TMEM165: variants seen among roughly 807,000 people sequenced by gnomAD.
TMEM165 encodes transmembrane protein 165.
Under a neutral mutation model 30.0 loss-of-function variants are expected in TMEM165, and 19 were observed. That is an observed-to-expected ratio of 0.63 (90% CI 0.44 to 0.93). The LOEUF (loss-of-function observed/expected upper bound fraction) is 0.93. Ranked by LOEUF, TMEM165 falls within the 40% of genes least tolerant of loss-of-function variation. TMEM165 has a pLI of 0.00. For synonymous variants in TMEM165, 168 were observed against 162.9 expected, an observed-to-expected ratio of 1.03 and a Z score of -0.24; for missense variants, 340 against 417.0, an observed-to-expected ratio of 0.82 and a Z score of 1.61.
At chr4:55,449,408 T>C (rs1168850357) in intron 3 of TMEM165, 2 of 1,613,758 alleles carry the variant, frequency 1.2e-6, no homozygotes, top group South Asian at 2.2e-5. Flanking sequence ...GACTACTAAA[T>C]GATGACCTTC....
intron 3 of TMEM165, chr4:55,431,699 C>A (rs1268852248): frequency 2.2e-5 from 3 of 135,882 alleles, no homozygotes; most frequent in Non-Finnish European, 4.9e-5. Flanking sequence ...TTTCAATTAC[C>A]AAAGAAACAG....
downstream of TMEM165, among the ~76,000 whole-genome samples, chr4:55,427,585 T>TC (rs1241354753): frequency 6.6e-6 from 1 of 152,060 alleles, no homozygotes; most frequent in Non-Finnish European, 1.5e-5. Context: ...CCTTAGGTGA[T>TC]CCACCCACCT....
At chr4:55,441,267 A>C (rs1418021720) in intron 3 of TMEM165, among the ~76,000 whole-genome samples, 2 of 152,202 alleles carry the variant, frequency 1.3e-5, no homozygotes, top group East Asian at 1.9e-4. Flanking sequence ...GTCAAAAAAC[A>C]ATAATGTTGG....
intron 1 of TMEM165, 73 bp downstream of exon 1, chr4:55,396,469 A>C: frequency 5.6e-6 from 7 of 1,250,110 alleles, no homozygotes; most frequent in Non-Finnish European, 7.2e-6. Context: ...AGGCCTTTGA[A>C]AGCGCCGCAC....
intron 3 of TMEM165, among the ~76,000 whole-genome samples, chr4:55,441,812 T>C (rs1057491239): frequency 4.6e-5 from 7 of 152,162 alleles, no homozygotes; most frequent in Admixed American, 1.3e-4. Context: ...AAGTTATAGA[T>C]GGTTGTTTTT....
chr4:55,411,134 C>CAA (rs575523700), intron 1 of TMEM165, among the ~76,000 whole-genome samples: 24 of 65,890 alleles, frequency 3.6e-4, no homozygotes, highest in Admixed American at 1.2e-3. Flanking sequence ...GATTTTGTCT[C>CAA]AAAAAAAAAA....
At chr4:55,413,766 G>A (rs565959341) in intron 2 of TMEM165, among the ~76,000 whole-genome samples, 12 of 152,248 alleles carry the variant, frequency 7.9e-5, no homozygotes, top group African/African-American at 2.4e-4. Flanking sequence ...TTTAGCATTT[G>A]TACTCTTATC....
chr4:55,438,306 G>A, intron 3 of TMEM165: 1 of 1,614,098 alleles, frequency 6.2e-7, no homozygotes. Flanking sequence ...GCGGTGGCTG[G>A]GTCAGCTGAG....
chr4:55,432,934 G>C (rs1374823518), intron 3 of TMEM165: 2 of 152,644 alleles, frequency 1.3e-5, no homozygotes, highest in Non-Finnish European at 2.9e-5. Context: ...CCTGGGGCTT[G>C]TCTTATGCTT....
At chr4:55,417,309 A>G in intron 3 of TMEM165, 62 bp downstream of exon 3, 1 of 1,514,600 alleles carries the variant, frequency 6.6e-7, no homozygotes, top group South Asian at 1.3e-5. Context: ...AACACTCTAC[A>G]GAGGTTTCTC....
intron 1 of TMEM165, among the ~76,000 whole-genome samples, chr4:55,409,688 A>G (rs1237725541): frequency 6.6e-6 from 1 of 152,194 alleles, no homozygotes; most frequent in East Asian, 1.9e-4. Flanking sequence ...CCTGGGAGAC[A>G]AAATCGCCCT....
rs745727875 is a variant in TMEM165 at position 55,425,457 on chromosome 4, CTGTT to C, written c.*10_*13del. The stretch of plus-strand genomic sequence containing the variant: ...AGCCCTGATTCTGGTTTTTAACAAG[CTGTT>C]TGTTCATCTATATTTAGTTTAAAAT... On this transcript the variant is annotated 3_prime_UTR_variant, in exon 6 of 6. Coordinates refer to ENST00000381334, the MANE Select transcript of TMEM165 (RefSeq NM_018475.5). The C allele has an allele frequency of 3.2e-6, 5 of 1,577,904 alleles. No individual in the cohort carries two copies. In the African/African-American group the frequency reaches 4.0e-5, roughly 13 times the overall value.
intron 3 of TMEM165, among the ~76,000 whole-genome samples, chr4:55,440,274 C>G (rs1473371991): frequency 6.6e-6 from 1 of 152,144 alleles, no homozygotes; most frequent in Non-Finnish European, 1.5e-5. Flanking sequence ...ATAAATTCAT[C>G]AACGCAGCAT....
downstream of TMEM165, chr4:55,429,645 C>CT (rs1722382082): frequency 6.6e-6 from 1 of 152,166 alleles, no homozygotes. Context: ...ATTTCTTTTA[C>CT]TAACATTTCC....
At chr4:55,449,020 T>A in intron 3 of TMEM165, 1 of 668,794 alleles carries the variant, frequency 1.5e-6, no homozygotes, top group South Asian at 1.8e-5. Flanking sequence ...CTCATCTATA[T>A]TGGAAAGGCC....
At chr4:55,421,391 C>T (rs542410878) in intron 4 of TMEM165, among the ~76,000 whole-genome samples, 1 of 149,240 alleles carries the variant, frequency 6.7e-6, no homozygotes, top group East Asian at 2.0e-4. Context: ...ACCTCCACCT[C>T]CTGGGCTCAA....
At chr4:55,453,019 TTAAAAA>T (rs757299709) in exon 4 of TMEM165, 16 of 1,439,122 alleles carry the variant, frequency 1.1e-5, no homozygotes, top group Non-Finnish European at 1.5e-5. Flanking sequence ...TGGGGAGAAA[TTAAAAA>T]TAATTTTTTT....
intron 4 of TMEM165, among the ~76,000 whole-genome samples, chr4:55,420,106 A>AAAAAATAT (rs1474254120): frequency 2.2e-5 from 1 of 45,456 alleles, no homozygotes; most frequent in African/African-American, 8.2e-5. Context: ...AAGAAAAAAA[A>AAAAAATAT]ATATATATAT....
rs1387188568 is a variant in TMEM165, at chr4:55,421,126, C to CA, written c.792+3142dup. Among the ~76,000 whole-genome samples the CA allele has an allele frequency of 6.0e-4, 85 of 140,814 alleles. 1 individual carries two copies. Among genetic ancestry groups the CA allele is most frequent in the Non-Finnish European group, 1.5e-4 (10 of 66,248 alleles). 92.4% of individuals were successfully genotyped at this position (140,814 alleles called of 152,430 possible). On this transcript the variant is annotated intron_variant, in intron 4 of 5. Coordinates refer to ENST00000381334, the MANE Select transcript of TMEM165 (RefSeq NM_018475.5). The stretch of plus-strand genomic sequence containing the variant: ...GAACCCGGGTGAGCCGAGATCGCGC[C>CA]ACTGCACTCCACTCTGGTCGACAGA...
Sources: gnomAD v4.1 joint callset for allele counts (sites outside exome capture counted in the v4.1 genomes callset) on GRCh38, gnomAD v4.1.1 for gene constraint, MANE v1.5 for transcripts, NCBI Gene and HGNC (gene_info 2026-07-23, HGNC 2026-07-21) for gene names.